Variants in HCN4 observed in about 807,000 individuals in gnomAD.
HCN4 encodes the protein potassium/sodium hyperpolarization-activated cyclic nucleotide-gated channel 4.
A neutral mutation model predicts 76.9 loss-of-function variants in HCN4; 29 were observed. That is an observed-to-expected ratio of 0.38 (90% CI 0.28 to 0.51). HCN4 has a LOEUF of 0.51. Ranked by LOEUF, HCN4 falls within the 20% of genes least tolerant of loss-of-function variation. HCN4 has a pLI of 0.90. For synonymous variants in HCN4, 772 were observed against 762.5 expected (o/e 1.01, Z -0.21); for missense variants, 1,416 against 1,715.2 (o/e 0.83, Z 3.08).
intron 1 of HCN4, among the ~76,000 whole-genome samples, chr15:73,357,920 A>G (rs980232449): frequency 1.3e-5 from 2 of 152,156 alleles, no homozygotes; most frequent in Non-Finnish European, 2.9e-5. Context: ...GATTCTCAAA[A>G]GCTCTACTGG....
At chr15:73,347,228 G>C (rs745573484) in intron 1 of HCN4, among the ~76,000 whole-genome samples, 6 of 152,124 alleles carry the variant, frequency 3.9e-5, no homozygotes, top group Non-Finnish European at 7.3e-5. Context: ...TGATGATCTT[G>C]AGGCTGACAG....
intron 2 of HCN4, among the ~76,000 whole-genome samples, chr15:73,333,160 G>A (rs1595824394): frequency 6.6e-6 from 1 of 152,166 alleles, no homozygotes; most frequent in Non-Finnish European, 1.5e-5. Context: ...AGCTGGACAG[G>A]GCCAAGGTGG....
chr15:73,351,278 C>T (rs2043054073), intron 1 of HCN4, among the ~76,000 whole-genome samples: 1 of 152,146 alleles, frequency 6.6e-6, no homozygotes, highest in South Asian at 2.1e-4. Flanking sequence ...CCGCTCTGTG[C>T]ACTCTTTCCA....
chr15:73,329,568 C>A lies in HCN4; in HGVS notation c.1590+5G>T. 1 of 1,613,814 alleles carries A rather than the reference C, an allele frequency of 6.2e-7. No individual in the cohort carries two copies. Among genetic ancestry groups the A allele is most frequent in the South Asian group, 1.1e-5 (1 of 91,074 alleles). On this transcript the variant is annotated splice_donor_5th_base_variant and intron_variant, in intron 4 of 7. Coordinates refer to ENST00000261917, the MANE Select transcript of HCN4 (RefSeq NM_005477.3). ...AATGTGCGGGTGCTCCCTGGGTAGA[C>A]CTACCTTTTCCTGGTACTGGCGCCG...
chr15:73,322,284 T>A lies in HCN4; in HGVS notation c.*197A>T. On this transcript the variant is annotated 3_prime_UTR_variant, in exon 8 of 8. Coordinates refer to ENST00000261917, the MANE Select transcript of HCN4 (RefSeq NM_005477.3). ...CTCCCTCTAGTGCTGAGTATTAAAA[T>A]AGTCTATAAAAGCAAGTGACCAAAA... 3 of 389,166 alleles carry A rather than the reference T, an allele frequency of 7.7e-6. No homozygotes were observed. Among genetic ancestry groups the A allele is most frequent in the East Asian group, 7.0e-5 (1 of 14,272 alleles). The allele number at this position is 389,166 out of a possible 1,614,324, so 24.1% of individuals were successfully genotyped here.
rs1266409248 is a variant in HCN4, at chr15:73,343,313, G to A, written c.1209+72C>T. ...GACAGCCTATGTTCAATTATCTGAG[G>A]TTCCCTGCCAGTTCCTCACTCCCTC... is the stretch of plus-strand genomic sequence containing the variant. On this transcript the variant is annotated intron_variant, in intron 2 of 7. Transcript: ENST00000261917. This position sits in a 1 kb window ranked among gnomAD's most constrained non-coding sequence, Gnocchi z 5.7. 4.1e-6 allele frequency: 6 copies of A among 1,456,584 alleles called. No individual in the cohort carries two copies. The highest frequency in any genetic ancestry group is 5.7e-6 in the Non-Finnish European group (6 of 1,048,866). The allele number at this position is 1,456,584 out of a possible 1,614,324, so 90.2% of individuals were successfully genotyped here. A position where few individuals can be genotyped will look rare whatever the true frequency, so the allele number is the denominator to read the frequency against.
chr15:73,348,419 T>G (rs772234012), intron 1 of HCN4, among the ~76,000 whole-genome samples: 1 of 152,158 alleles, frequency 6.6e-6, no homozygotes, highest in Non-Finnish European at 1.5e-5. Context: ...CACACACACA[T>G]GCACACCCAC....
intron 1 of HCN4, among the ~76,000 whole-genome samples, chr15:73,348,538 G>C (rs1379954233): frequency 1.3e-5 from 2 of 152,216 alleles, no homozygotes; most frequent in African/African-American, 4.8e-5. Flanking sequence ...TGGCACAAAT[G>C]ATATCCACTG....
At chr15:73,331,770 C>A (rs1012763026) in intron 3 of HCN4, among the ~76,000 whole-genome samples, 6 of 152,130 alleles carry the variant, frequency 3.9e-5, no homozygotes, top group African/African-American at 1.4e-4. Flanking sequence ...AAGGACTTGG[C>A]TTCTAAGGGG....
intron 1 of HCN4, among the ~76,000 whole-genome samples, chr15:73,359,214 G>A (rs1417939005): frequency 2.6e-5 from 4 of 152,214 alleles, no homozygotes; most frequent in East Asian, 1.9e-4. Flanking sequence ...AGAGCTGGGG[G>A]AGCAGTGGGT....
chr15:73,360,910 G>A (rs1350659407), intron 1 of HCN4, among the ~76,000 whole-genome samples: 3 of 152,200 alleles, frequency 2.0e-5, no homozygotes, highest in Non-Finnish European at 4.4e-5. Context: ...AGTGGCCTTA[G>A]CGACAGCTGG....
At position 73,328,573 on chromosome 15, in the gene HCN4, A is replaced by G. The variant is rs2042914160; in HGVS notation, c.1590+1000T>C. Among the ~76,000 whole-genome samples, 1 of 152,102 alleles carries G rather than the reference A, an allele frequency of 6.6e-6. No homozygotes were observed. Among genetic ancestry groups the G allele is most frequent in the African/African-American group, 2.4e-5 (1 of 41,426 alleles). ...TTAGCTGATAAACACAGGGGAGCTT[A>G]CTTGCAACCCCCACAGCCTGATGCC... On this transcript the variant is annotated intron_variant, in intron 4 of 7. Coordinates refer to ENST00000261917, the MANE Select transcript of HCN4 (RefSeq NM_005477.3). This position sits in a 1 kb window ranked among gnomAD's most constrained non-coding sequence, Gnocchi z 4.0.
At position 73,332,179 on chromosome 15, in the gene HCN4, C is replaced by T; in HGVS notation, c.1323G>A (p.Met441Ile). 6.2e-7 allele frequency: 1 copy of T among 1,614,222 alleles called. No individual in the cohort carries two copies. Among genetic ancestry groups the T allele is most frequent in the Non-Finnish European group, 8.5e-7 (1 of 1,180,038 alleles). The change falls in exon 3 of 8, where the codon ATG becomes ATA. Residue 441 changes from methionine (M) to isoleucine (I), a missense_variant. Physicochemically the swap from Met to Ile is conservative, Grantham distance 10 (BLOSUM62 1). Coordinates refer to ENST00000261917, the MANE Select transcript of HCN4 (RefSeq NM_005477.3). ...AGCAGTCGTCAGGGAAGTCCTGTAGCATGGGTACCAGGAACTGCAGGCAGC... is the reference window on the plus strand; with the variant it reads ...AGCAGTCGTCAGGGAAGTCCTGTAGTATGGGTACCAGGAACTGCAGGCAGC... The part of the protein sequence containing the change: ...WDGCLQFLVP[M>I]LQDFPDDCWV...
At position 73,367,788 on chromosome 15, in the gene HCN4, G is replaced by C; in HGVS notation, c.483C>G (p.Pro161=). The change falls in exon 1 of 8, where the codon CCC becomes CCG. Residue 161 remains proline, a synonymous_variant. Coordinates refer to ENST00000261917, the MANE Select transcript of HCN4 (RefSeq NM_005477.3). The surrounding 1 kb of genome is among the most constrained non-coding windows in gnomAD (Gnocchi z 7.5). ...EPERPGASAQ[P]AASPPPPQQP... is the part of the protein sequence containing the mutation. ...GCTGGGGCGGCGGCGGCGAGGCTGCGGGCTGCGCCGAGGCGCCGGGGCGCT... is the reference window on the plus strand; with the variant it reads ...GCTGGGGCGGCGGCGGCGAGGCTGCCGGCTGCGCCGAGGCGCCGGGGCGCT... 1 of 1,338,868 alleles carries C rather than the reference G, an allele frequency of 7.5e-7. No individual in the cohort carries two copies. The highest frequency in any genetic ancestry group is 9.5e-7 in the Non-Finnish European group (1 of 1,054,568). The allele number at this position is 1,338,868 out of a possible 1,614,324, so 82.9% of individuals were successfully genotyped here.
intron 2 of HCN4, among the ~76,000 whole-genome samples, chr15:73,339,381 G>T (rs111481512): frequency 6.6e-6 from 1 of 152,208 alleles, no homozygotes; most frequent in Non-Finnish European, 1.5e-5. Flanking sequence ...GGGCCCGGCT[G>T]GGGGAGGCAG....
chr15:73,360,517 A>C (rs1042888706), intron 1 of HCN4, among the ~76,000 whole-genome samples: 6 of 152,098 alleles, frequency 3.9e-5, no homozygotes, highest in Non-Finnish European at 7.4e-5. Flanking sequence ...TTCTCAGGAG[A>C]ATGTTTTCTT....
intron 2 of HCN4, among the ~76,000 whole-genome samples, chr15:73,335,859 C>T (rs2042962083): frequency 6.6e-6 from 1 of 152,122 alleles, no homozygotes; most frequent in Non-Finnish European, 1.5e-5. Context: ...GCCCTTCTTT[C>T]CTGGGTCTCG....
At position 73,368,288 on chromosome 15, in the gene HCN4, T is replaced by C; in HGVS notation, c.-18A>G. On this transcript the variant is annotated 5_prime_UTR_variant, in exon 1 of 8. Transcript: ENST00000261917. This position sits in a 1 kb window ranked among gnomAD's most constrained non-coding sequence, Gnocchi z 6.9. ...TTGTCCATGGCGCCAGGGGCCGGGG[T>C]CGGACCGGGCCGGGGGCAGGAGCGC... 6.8e-7 allele frequency: 1 copy of C among 1,473,856 alleles called. No homozygotes were observed. Among genetic ancestry groups the C allele is most frequent in the Non-Finnish European group, 9.0e-7 (1 of 1,116,424 alleles). The allele number at this position is 1,473,856 out of a possible 1,614,324, so 91.3% of individuals were successfully genotyped here.
intron 2 of HCN4, among the ~76,000 whole-genome samples, 166 bp from the exon 3 acceptor site, chr15:73,332,458 C>A (rs2042938982): frequency 6.6e-6 from 1 of 152,180 alleles, no homozygotes; most frequent in African/African-American, 2.4e-5. Flanking sequence ...AGGCGTCAGT[C>A]TAGGTCTTGG....
Sources: allele counts gnomAD v4.1 joint callset (sites outside exome capture counted in the v4.1 genomes callset), GRCh38; gene constraint gnomAD v4.1.1; non-coding constraint Gnocchi (gnomAD v3.1); transcripts MANE v1.5; gene names NCBI Gene and HGNC (gene_info 2026-07-23, HGNC 2026-07-21).